Variants in HEMK2 observed in about 807,000 individuals in gnomAD.
The protein encoded by HEMK2 is HemK methyltransferase 2, ETF1 glutamine and histone H4 lysine.
At chr21:28,615,291 C>T in the HEMK2 span, among the ~76,000 whole-genome samples, 285 of 151,766 alleles carry the variant, frequency 1.9e-3, 2 homozygotes, top group African/African-American at 6.5e-3. Context: ...TTACTAGGGT[C>T]GTCTCTCTCT....
the HEMK2 span, among the ~76,000 whole-genome samples, chr21:28,636,389 T>C: frequency 3.3e-5 from 5 of 152,202 alleles, no homozygotes; most frequent in Admixed American, 3.3e-4. Flanking sequence ...TATTGTTGTC[T>C]GAGCTGAAAA....
the HEMK2 span, among the ~76,000 whole-genome samples, chr21:28,841,205 TA>T: frequency 0.023 from 457 of 19,898 alleles, 111 homozygotes; most frequent in East Asian, 0.084. Context: ...ATATATTATA[TA>T]ATATATTATA....
the HEMK2 span, among the ~76,000 whole-genome samples, chr21:28,746,953 TC>T: frequency 6.6e-6 from 1 of 152,156 alleles, no homozygotes; most frequent in African/African-American, 2.4e-5. Flanking sequence ...ATCAAAAAGA[TC>T]ACTCCGGCTG....
chr21:28,603,594 T>TGTGTGTGTGTGTG, the HEMK2 span, among the ~76,000 whole-genome samples: 21 of 143,632 alleles, frequency 1.5e-4, no homozygotes, highest in East Asian at 4.0e-4. Flanking sequence ...TGTGTGTGTG[T>TGTGTGTGTGTGTG]TTTAGGTTGC....
chr21:28,621,542 G>A, the HEMK2 span, among the ~76,000 whole-genome samples: 2 of 152,188 alleles, frequency 1.3e-5, no homozygotes, highest in Non-Finnish European at 2.9e-5. Flanking sequence ...TTTCACCTGG[G>A]TGCAGGCGGG....
chr21:28,853,046 A>G, the HEMK2 span, among the ~76,000 whole-genome samples: 23,624 of 152,148 alleles, frequency 0.16, 2,263 homozygotes, highest in East Asian at 0.49. Context: ...GATCTGGCAT[A>G]TAGAGAAGAG....
At chr21:28,699,968 A>G in the HEMK2 span, among the ~76,000 whole-genome samples, 1 of 152,226 alleles carries the variant, frequency 6.6e-6, no homozygotes. Context: ...AGTTTAATAA[A>G]TTTATACCAA....
At chr21:28,660,361 A>C in the HEMK2 span, among the ~76,000 whole-genome samples, 1 of 151,788 alleles carries the variant, frequency 6.6e-6, no homozygotes, top group Non-Finnish European at 1.5e-5. Flanking sequence ...ACTTGTTCCT[A>C]ATCTCAAAGG....
chr21:28,698,966 T>C, the HEMK2 span, among the ~76,000 whole-genome samples: 2 of 152,240 alleles, frequency 1.3e-5, no homozygotes, highest in African/African-American at 2.4e-5. Flanking sequence ...CATTATCCCA[T>C]GGTTTTGCAT....
At chr21:28,715,819 A>G in the HEMK2 span, among the ~76,000 whole-genome samples, 2 of 152,178 alleles carry the variant, frequency 1.3e-5, no homozygotes, top group Non-Finnish European at 2.9e-5. Context: ...ATTTTTGTAT[A>G]TGATGATAGG....
the HEMK2 span, among the ~76,000 whole-genome samples, chr21:28,638,713 G>T: frequency 1.3e-5 from 2 of 152,132 alleles, no homozygotes; most frequent in African/African-American, 4.8e-5. Flanking sequence ...CTGGCAAATT[G>T]TCTGGCAGCT....
At chr21:28,703,562 T>C in the HEMK2 span, among the ~76,000 whole-genome samples, 1 of 152,310 alleles carries the variant, frequency 6.6e-6, no homozygotes, top group Middle Eastern at 3.4e-3. Flanking sequence ...AAGAAGCTCA[T>C]GAGAGGAACT....
chr21:28,612,915 C>CA, the HEMK2 span, among the ~76,000 whole-genome samples: 1 of 152,126 alleles, frequency 6.6e-6, no homozygotes, highest in East Asian at 1.9e-4. Flanking sequence ...CTACGAAACA[C>CA]TGATGAAAGA....
chr21:28,620,660 C>CTTTTTTTTTTTTT, the HEMK2 span, among the ~76,000 whole-genome samples: 482 of 49,652 alleles, frequency 9.7e-3, 104 homozygotes, highest in Non-Finnish European at 0.011. Flanking sequence ...TCTCTCTTTT[C>CTTTTTTTTTTTTT]TTTTTTTTTT....
the HEMK2 span, among the ~76,000 whole-genome samples, chr21:28,869,915 C>A: frequency 1.3e-5 from 2 of 152,184 alleles, no homozygotes; most frequent in East Asian, 3.8e-4. Context: ...CCAAGAAACT[C>A]TCTGGCCAAC....
At chr21:28,668,423 A>G in the HEMK2 span, among the ~76,000 whole-genome samples, 1 of 152,182 alleles carries the variant, frequency 6.6e-6, no homozygotes, top group Non-Finnish European at 1.5e-5. Context: ...AAGACTTATA[A>G]CATCGCTCAA....
chr21:28,580,367 A>G, the HEMK2 span, among the ~76,000 whole-genome samples: 1 of 152,116 alleles, frequency 6.6e-6, no homozygotes, highest in Non-Finnish European at 1.5e-5. Flanking sequence ...CATGGTTTGG[A>G]AAAGGAATGC....
At chr21:28,700,614 A>C in the HEMK2 span, among the ~76,000 whole-genome samples, 2 of 152,192 alleles carry the variant, frequency 1.3e-5, no homozygotes, top group African/African-American at 4.8e-5. Flanking sequence ...TGAATCTCTG[A>C]ACACACCAAT....
At chr21:28,716,639 A>G in the HEMK2 span, among the ~76,000 whole-genome samples, 1 of 152,126 alleles carries the variant, frequency 6.6e-6, no homozygotes, top group Non-Finnish European at 1.5e-5. Context: ...TGATTGCTGT[A>G]GCTAGGACTT....
Sources: gnomAD v4.1 joint callset for allele counts (sites outside exome capture counted in the v4.1 genomes callset) on GRCh38, gnomAD v4.1.1 for gene constraint, MANE v1.5 for transcripts, NCBI Gene and HGNC (gene_info 2026-07-23, HGNC 2026-07-21) for gene names.